The following AHI1 variants were observed in gnomAD, a reference collection of about 807,000 sequenced individuals.
AHI1 encodes Abelson helper integration site 1.
AHI1 carries 123 observed loss-of-function variants against 149.3 expected under a neutral mutation model. The observed-to-expected ratio is 0.82, with a 90% CI of 0.71 to 0.96. AHI1 has a LOEUF of 0.96. AHI1 is among the 40% of genes least tolerant of loss of function. The probability of loss-of-function intolerance (pLI) is 0.00; values close to 1 mark genes in which losing one functional copy is unlikely to be tolerated. For missense variants in AHI1, 1,439 were observed against 1,422.7 expected (o/e 1.01, Z -0.18); for synonymous variants, 475 against 459.8 (o/e 1.03, Z -0.42).
At chr6:135,374,870 GAGTACCCATACAACTACTC>G (rs1419199479) in intron 23 of AHI1, among the ~76,000 whole-genome samples, 4 of 152,134 alleles carry the variant, frequency 2.6e-5, no homozygotes, top group African/African-American at 9.7e-5. Context: ...AGCATACTTT[GAGTACCCATACAACTACTC>G]AGTTTTTCAC....
intron 28 of AHI1, among the ~76,000 whole-genome samples, chr6:135,288,412 T>C (rs1206964767): frequency 6.6e-6 from 1 of 151,990 alleles, no homozygotes; most frequent in East Asian, 1.9e-4. Flanking sequence ...ACACGCTGTA[T>C]TAGAAAATTT....
intron 23 of AHI1, among the ~76,000 whole-genome samples, chr6:135,374,689 TATAA>T (rs1183407710): frequency 1.3e-5 from 2 of 152,110 alleles, no homozygotes; most frequent in African/African-American, 4.8e-5. Flanking sequence ...ATAAGGGCAA[TATAA>T]ATAATAATAT....
chr6:135,319,400 G>C (rs1040259375), intron 25 of AHI1, among the ~76,000 whole-genome samples: 4 of 152,186 alleles, frequency 2.6e-5, no homozygotes, highest in African/African-American at 7.2e-5. Context: ...GTTTGAACCT[G>C]AGAGGTGGAG....
At chr6:135,308,473 C>T (rs1213865351) in intron 26 of AHI1, among the ~76,000 whole-genome samples, 5 of 152,128 alleles carry the variant, frequency 3.3e-5, no homozygotes, top group South Asian at 4.1e-4. Flanking sequence ...TGAGCTCAAG[C>T]GATCCATCCA....
chr6:135,473,150 C>G (rs1792021778), intron 5 of AHI1, among the ~76,000 whole-genome samples: 1 of 152,040 alleles, frequency 6.6e-6, no homozygotes, highest in Non-Finnish European at 1.5e-5. Context: ...GACATGATCC[C>G]AAGTTTATTA....
At chr6:135,393,002 C>A (rs1015175162) in intron 23 of AHI1, among the ~76,000 whole-genome samples, 1 of 152,046 alleles carries the variant, frequency 6.6e-6, no homozygotes, top group African/African-American at 2.4e-5. Flanking sequence ...AAGAAAGATA[C>A]GCCTTAAAAT....
intron 24 of AHI1, among the ~76,000 whole-genome samples, chr6:135,344,670 C>T (rs927563319): frequency 2.0e-5 from 3 of 146,642 alleles, no homozygotes; most frequent in Non-Finnish European, 4.5e-5. Context: ...CCCTCCCTCT[C>T]TCTTCCTTCC....
chr6:135,463,005 C>T, intron 8 of AHI1, 120 bp downstream of exon 8: 1 of 728,484 alleles, frequency 1.4e-6, no homozygotes, highest in Non-Finnish European at 2.1e-6. Flanking sequence ...AGAACAAGTA[C>T]CAAATATCCT....
At chr6:135,408,282 T>C (rs1044260470) in intron 21 of AHI1, among the ~76,000 whole-genome samples, 2 of 152,132 alleles carry the variant, frequency 1.3e-5, no homozygotes, top group African/African-American at 4.8e-5. Flanking sequence ...GCCATGCAAG[T>C]TTTTAGACAA....
At position 135,457,685 on chromosome 6, in the gene AHI1, A is replaced by G. The variant is rs756756153; in HGVS notation, c.960T>C (p.Gly320=). 6.2e-6 allele frequency: 10 copies of G among 1,613,810 alleles called. No individual in the cohort carries two copies. The Admixed American group carries it at 1.0e-4, about 16-fold the overall frequency. The change falls in exon 9 of 29, where the codon GGT becomes GGC. Residue 320 remains glycine (G), a synonymous_variant. Transcript: ENST00000265602. Reference sequence around the variant, plus strand: ...GGCTTGTTATTTCATGAACACCATCACCATCAACATCTTCATTATTATCTG... The same window carrying G: ...GGCTTGTTATTTCATGAACACCATCGCCATCAACATCTTCATTATTATCTG... ...AVADNNEDVD[G]DGVHEITSRD...
At chr6:135,447,817 C>A (rs1414769535) in intron 12 of AHI1, among the ~76,000 whole-genome samples, 2 of 152,158 alleles carry the variant, frequency 1.3e-5, no homozygotes, top group African/African-American at 2.4e-5. Context: ...CAGGAGTCTG[C>A]AAACTGCAGC....
At position 135,447,117 on chromosome 6, in the gene AHI1, T is replaced by G. The variant is rs758024476; in HGVS notation, c.1670A>C (p.Lys557Thr). 3 of 1,608,238 alleles carry G rather than the reference T, an allele frequency of 1.9e-6. No individual in the cohort carries two copies. The highest frequency in any genetic ancestry group is 1.7e-6 in the Non-Finnish European group (2 of 1,177,220). ...YRSMMALQEE[K>T]GKPVHCERHH... is the part of the protein sequence containing the mutation. Reference sequence around the variant, plus strand: ...ACGTTCACAATGCACTGGTTTACCTTTTTCCTCCTGAAGAGCCATCATAGA... The same window carrying G: ...ACGTTCACAATGCACTGGTTTACCTGTTTCCTCCTGAAGAGCCATCATAGA... The change falls in exon 13 of 29, where the codon AAA (lysine) becomes ACA (threonine). Residue 557 changes from lysine (K) to threonine (T), a missense_variant. By Grantham distance (78) the Lys-to-Thr change is moderately conservative (BLOSUM62 -1). Coordinates refer to ENST00000265602, the MANE Select transcript of AHI1 (RefSeq NM_001134831.2).
chr6:135,301,823 A>C (rs1783918454), intron 26 of AHI1: 1 of 985,306 alleles, frequency 1.0e-6, no homozygotes, highest in Admixed American at 6.2e-5. Flanking sequence ...CACACGGGAA[A>C]TTTCAGATTC....
chr6:135,294,563 A>T (rs1782815820), intron 27 of AHI1, among the ~76,000 whole-genome samples: 1 of 152,040 alleles, frequency 6.6e-6, no homozygotes. Flanking sequence ...AAAGAGAAAT[A>T]GAAAAATAAT....
intron 5 of AHI1, among the ~76,000 whole-genome samples, chr6:135,476,336 T>C (rs1458758514): frequency 6.6e-6 from 1 of 151,878 alleles, no homozygotes; most frequent in African/African-American, 2.4e-5. Context: ...AAATTTTCTT[T>C]TACATTTAAA....
Position 135,300,554 on chromosome 6 carries a change from G to C in AHI1, c.3431C>G (p.Ser1144Ter), listed in dbSNP as rs982379114. Residue 1144 changes from serine to a stop codon, truncating the protein, a stop_gained, in exon 27 of 29, where the codon TCA (serine) becomes TGA (stop). Transcript: ENST00000265602. LOFTEE classifies it high-confidence loss of function. ...IEKSPAPQKQ[S>*]INKNKSQDFR... ...GTCCTGGGACTTGTTCTTATTGATT[G>C]ATTGCTGTGGAAGAAGAGGAAAAAC... is the stretch of plus-strand genomic sequence containing the variant. 1 of 1,605,414 alleles carries C rather than the reference G, an allele frequency of 6.2e-7. No homozygotes were observed. The highest frequency in any genetic ancestry group is 8.5e-7 in the Non-Finnish European group (1 of 1,175,652).
intron 7 of AHI1, 22 bp downstream of exon 7, chr6:135,465,792 A>C: frequency 7.0e-7 from 1 of 1,435,434 alleles, no homozygotes; most frequent in Non-Finnish European, 9.2e-7. Context: ...AGGATATTTT[A>C]CATTTATCAA....
chr6:135,469,177 C>T (rs888163461), intron 5 of AHI1, among the ~76,000 whole-genome samples: 1 of 152,214 alleles, frequency 6.6e-6, no homozygotes, highest in Non-Finnish European at 1.5e-5. Context: ...AAGTCAGCTT[C>T]ATCCACGGGA....
rs776536021 is a variant in AHI1, at chr6:135,448,312, C to A, written c.1604G>T (p.Arg535Ile). 1 of 1,597,004 alleles carries A rather than the reference C, an allele frequency of 6.3e-7. No individual in the cohort carries two copies. The highest frequency in any genetic ancestry group is 8.6e-7 in the Non-Finnish European group (1 of 1,169,348). Reference sequence around the variant, plus strand: ...TACACAGTCTGGAACTTTCAGTCCTCTTACAGTTACGTACAGTGTTGATGG... The same window carrying A: ...TACACAGTCTGGAACTTTCAGTCCTATTACAGTTACGTACAGTGTTGATGG... ...HYPSTLYVTV[R>I]GLKVPDCIKP... The change falls in exon 12 of 29, where the codon AGA (arginine) becomes ATA (isoleucine). Residue 535 changes from arginine to isoleucine, a missense_variant. Physicochemically the swap from Arg to Ile is moderately conservative, Grantham distance 97 (BLOSUM62 -3). Coordinates refer to ENST00000265602, the MANE Select transcript of AHI1 (RefSeq NM_001134831.2).
Sources: gnomAD v4.1 joint callset for allele counts (sites outside exome capture counted in the v4.1 genomes callset) on GRCh38, gnomAD v4.1.1 for gene constraint, MANE v1.5 for transcripts, NCBI Gene and HGNC (gene_info 2026-07-23, HGNC 2026-07-21) for gene names.